Variants in CHRNA7 observed in about 807,000 individuals in gnomAD.
CHRNA7 encodes the protein cholinergic receptor nicotinic alpha 7 subunit.
In CHRNA7, 17 loss-of-function variants were observed where a neutral mutation model predicts 48.0. The ratio of observed to expected loss-of-function variants is 0.35; its 90% confidence interval spans 0.24 to 0.53. The LOEUF is 0.53. Ranked by LOEUF, CHRNA7 falls within the 20% of genes least tolerant of loss-of-function variation. The pLI, the probability that CHRNA7 is intolerant of heterozygous loss-of-function variation, is 0.92. For synonymous variants in CHRNA7, 75 were observed against 242.3 expected (o/e 0.31, Z 6.41); for missense variants, 155 against 577.7 (o/e 0.27, Z 7.50).
intron 2 of CHRNA7, among the ~76,000 whole-genome samples, chr15:32,037,735 T>C (rs1174949486): frequency 6.6e-6 from 1 of 152,166 alleles, no homozygotes; most frequent in Admixed American, 6.5e-5. Flanking sequence ...GAAAGCGATT[T>C]ACTTTTACAT....
chr15:32,076,040 T>C (rs927927927), intron 2 of CHRNA7, among the ~76,000 whole-genome samples: 1 of 152,196 alleles, frequency 6.6e-6, no homozygotes, highest in Admixed American at 6.5e-5. Flanking sequence ...AAATTATACT[T>C]TGTGTTATTT....
chr15:32,079,499 A>G (rs1325873821), intron 2 of CHRNA7, among the ~76,000 whole-genome samples: 2 of 151,876 alleles, frequency 1.3e-5, no homozygotes, highest in Non-Finnish European at 2.9e-5. Context: ...ACATTTCTAT[A>G]TAACAACAGA....
At chr15:32,140,361 G>T (rs7402062) in intron 4 of CHRNA7, among the ~76,000 whole-genome samples, 62,578 of 151,978 alleles carry the variant, frequency 0.41, 13,259 homozygotes, top group African/African-American at 0.52. Context: ...TTGCTATTGT[G>T]AATAGTGCCG....
chr15:32,123,617 G>A (rs1176176846), intron 4 of CHRNA7, among the ~76,000 whole-genome samples: 1 of 152,036 alleles, frequency 6.6e-6, no homozygotes, highest in Non-Finnish European at 1.5e-5. Context: ...CCTTTCTAGG[G>A]GAGTCTTTAC....
chr15:32,122,647 TG>T (rs1259516172), intron 4 of CHRNA7, among the ~76,000 whole-genome samples: 2 of 152,290 alleles, frequency 1.3e-5, no homozygotes, highest in Non-Finnish European at 2.9e-5. Context: ...GTGTATGCTA[TG>T]AGGTAAGGGT....
At chr15:32,103,981 A>G (rs766158372) in intron 3 of CHRNA7, among the ~76,000 whole-genome samples, 3 of 152,044 alleles carry the variant, frequency 2.0e-5, no homozygotes, top group South Asian at 4.2e-4. Context: ...CATGGGTGTC[A>G]TCTCTCACCT....
intron 2 of CHRNA7, among the ~76,000 whole-genome samples, chr15:32,050,056 T>C: frequency 6.6e-6 from 1 of 152,226 alleles, no homozygotes; most frequent in East Asian, 1.9e-4. Flanking sequence ...TAACCCGACC[T>C]TTCTCTCTGG....
At chr15:32,107,814 T>C (rs555157839) in intron 3 of CHRNA7, among the ~76,000 whole-genome samples, 1 of 152,110 alleles carries the variant, frequency 6.6e-6, no homozygotes, top group South Asian at 2.1e-4. Flanking sequence ...GGCAGAAAGC[T>C]CTTTACTCCA....
chr15:32,133,294 CT>C (rs2051187948), intron 4 of CHRNA7, among the ~76,000 whole-genome samples: 1 of 152,196 alleles, frequency 6.6e-6, no homozygotes, highest in African/African-American at 2.4e-5. Flanking sequence ...AATGGACATA[CT>C]TTTTAAAAAA....
At chr15:32,031,520 G>A (rs1302548697) in intron 2 of CHRNA7, among the ~76,000 whole-genome samples, 1 of 152,212 alleles carries the variant, frequency 6.6e-6, no homozygotes, top group Non-Finnish European at 1.5e-5. Context: ...CCAGGCAGAG[G>A]GCAAGAGGGC....
At chr15:32,108,526 G>A (rs1566844352) in intron 3 of CHRNA7, among the ~76,000 whole-genome samples, 1 of 152,178 alleles carries the variant, frequency 6.6e-6, no homozygotes, top group South Asian at 2.1e-4. Flanking sequence ...TTTGTTGTTT[G>A]TAGGGCCTTA....
intron 4 of CHRNA7, among the ~76,000 whole-genome samples, chr15:32,133,873 C>G (rs1049119114): frequency 4.6e-5 from 7 of 152,196 alleles, no homozygotes; most frequent in South Asian, 4.1e-4. Flanking sequence ...TCCACAGGAT[C>G]TCCATAGACA....
At chr15:32,116,940 CAG>C (rs1421956563) in intron 4 of CHRNA7, among the ~76,000 whole-genome samples, 1 of 152,186 alleles carries the variant, frequency 6.6e-6, no homozygotes, top group Non-Finnish European at 1.5e-5. Flanking sequence ...TGGCTGATAG[CAG>C]AGGCTGGAGA....
chr15:32,129,737 AT>A (rs552864763), intron 4 of CHRNA7, among the ~76,000 whole-genome samples: 3 of 146,492 alleles, frequency 2.0e-5, no homozygotes, highest in African/African-American at 5.0e-5. Context: ...ATACTTTTAT[AT>A]TTATTATTTA....
chr15:32,053,423 C>T (rs939692250), intron 2 of CHRNA7, among the ~76,000 whole-genome samples: 3 of 152,184 alleles, frequency 2.0e-5, no homozygotes, highest in Non-Finnish European at 4.4e-5. Context: ...CATTTGGCAT[C>T]TTCTACTTGC....
At chr15:32,110,116 G>C (rs1395124917) in intron 3 of CHRNA7, among the ~76,000 whole-genome samples, 1 of 152,206 alleles carries the variant, frequency 6.6e-6, no homozygotes, top group African/African-American at 2.4e-5. Flanking sequence ...GTGATAATTA[G>C]TGACCGACAC....
At chr15:32,070,641 G>T (rs377377791) in intron 2 of CHRNA7, among the ~76,000 whole-genome samples, 7 of 88,798 alleles carry the variant, frequency 7.9e-5, no homozygotes, top group African/African-American at 1.2e-4. Flanking sequence ...AGTTTTTTTT[G>T]TGTGTGTGAA....
chr15:32,155,947 T>TC (rs1003679732), intron 5 of CHRNA7: 5 of 85,312 alleles, frequency 5.9e-5, no homozygotes, highest in Non-Finnish European at 1.3e-4. Flanking sequence ...AACATGACTT[T>TC]CCCCCCCATT....
chr15:32,118,237 C>G (rs552514075), intron 4 of CHRNA7, among the ~76,000 whole-genome samples: 2 of 152,270 alleles, frequency 1.3e-5, no homozygotes, highest in African/African-American at 4.8e-5. Context: ...GAAGCCCTCA[C>G]CAGATGCAGC....
Sources: gnomAD v4.1 joint callset for allele counts (sites outside exome capture counted in the v4.1 genomes callset) on GRCh38, gnomAD v4.1.1 for gene constraint, MANE v1.5 for transcripts, NCBI Gene and HGNC (gene_info 2026-07-23, HGNC 2026-07-21) for gene names.